Variants in USP15 observed in about 807,000 individuals in gnomAD.
USP15 encodes ubiquitin carboxyl-terminal hydrolase 15.
USP15 carries 18 observed loss-of-function variants against 127.1 expected under a neutral mutation model. That is an observed-to-expected ratio of 0.14 (90% CI 0.10 to 0.21). The LOEUF is 0.21. Among genes scored for constraint, USP15 ranks in the 10% least tolerant of loss-of-function variants. The pLI is 1.00. For missense variants in USP15, 805 were observed against 1,159.9 expected (o/e 0.69, Z 4.44); for synonymous variants, 364 against 393.7 (o/e 0.92, Z 0.89).
Position 62,381,828 on chromosome 12 carries a change from G to A in USP15, c.1089+165G>A, listed in dbSNP as rs61921866. 4.5e-3 allele frequency among the ~76,000 whole-genome samples: 687 copies of A among 152,080 alleles called. 1 individual carries two copies. Among genetic ancestry groups the A allele is most frequent in the Admixed American group, 7.1e-3 (108 of 15,244 alleles). ...CAGTACATCTGTGATATAAAATTTAGGTGGGAGGGATATGGAACAGTTTAT... is the reference window on the plus strand; with the variant it reads ...CAGTACATCTGTGATATAAAATTTAAGTGGGAGGGATATGGAACAGTTTAT... On this transcript the variant is annotated intron_variant, in intron 9 of 21. Coordinates refer to ENST00000280377, the MANE Select transcript of USP15 (RefSeq NM_001252078.2).
At chr12:62,348,775 C>A (rs529896358) in intron 6 of USP15, among the ~76,000 whole-genome samples, 2 of 151,894 alleles carry the variant, frequency 1.3e-5, no homozygotes, top group African/African-American at 4.8e-5. Context: ...CTATTTTGTC[C>A]CCATTGCCTT....
In USP15 at chr12:62,381,653, G is replaced by T; in HGVS notation, c.1079G>T (p.Arg360Ile). ...WSGKFSYVTP[R>I]AFKTQVGRFA... ...GGAAAGTTTAGCTACGTCACCCCAA[G>T]AGCCTTTAAGGTTAGTGTGGTAAAT... The change falls in exon 9 of 22, where the codon AGA (arginine) becomes ATA (isoleucine). Residue 360 changes from arginine to isoleucine, a missense_variant. Physicochemically the swap from Arg to Ile is moderately conservative, Grantham distance 97. This residue lies in a region of USP15 where 84 missense variants were observed against 210.3 expected (regional missense o/e 0.40). Transcript: ENST00000280377. 1 of 1,611,242 alleles carries T rather than the reference G, an allele frequency of 6.2e-7. No homozygotes were observed. The highest frequency in any genetic ancestry group is 1.3e-5 in the African/African-American group (1 of 74,928).
At chr12:62,286,892 G>A (rs1047555919) in intron 1 of USP15, among the ~76,000 whole-genome samples, 3 of 149,702 alleles carry the variant, frequency 2.0e-5, no homozygotes, top group Admixed American at 6.7e-5. Flanking sequence ...AGCTGAGATC[G>A]CACCATTGCA....
chr12:62,263,168 A>G (rs561379494), intron 1 of USP15, among the ~76,000 whole-genome samples: 1 of 152,284 alleles, frequency 6.6e-6, no homozygotes, highest in East Asian at 1.9e-4. Flanking sequence ...CTCACTAGAA[A>G]GTTGTTTTTC....
intron 6 of USP15, among the ~76,000 whole-genome samples, chr12:62,332,553 G>T (rs1277616996): frequency 6.6e-6 from 1 of 151,758 alleles, no homozygotes; most frequent in Non-Finnish European, 1.5e-5. Context: ...GAGAAAATTT[G>T]ATTTAAATTT....
At chr12:62,382,790 T>G (rs2067030834) in intron 9 of USP15, among the ~76,000 whole-genome samples, 1 of 151,860 alleles carries the variant, frequency 6.6e-6, no homozygotes, top group East Asian at 1.9e-4. Context: ...AGAAACTAAG[T>G]GAGAGCCTAG....
At chr12:62,296,031 A>G (rs1304691223) in intron 2 of USP15, among the ~76,000 whole-genome samples, 4 of 152,258 alleles carry the variant, frequency 2.6e-5, no homozygotes, top group Admixed American at 6.5e-5. Flanking sequence ...TCAGAGATGC[A>G]TGAAAGAGGG....
chr12:62,381,470 A>G lies in USP15; in HGVS notation c.916-20A>G. 4 of 1,561,904 alleles carry G rather than the reference A, an allele frequency of 2.6e-6. No individual in the cohort carries two copies. The highest frequency in any genetic ancestry group is 3.5e-6 in the Non-Finnish European group (4 of 1,154,866). On this transcript the variant is annotated intron_variant, in intron 8 of 21. Transcript: ENST00000280377. ...TCATTATGATTACTTTTACTTGAAA[A>G]TATATTTTATTTTTTGCAGTGTTTG...
rs1472617787 is a variant in USP15, at chr12:62,407,115, A to G, written c.*2740A>G. On this transcript the variant is annotated 3_prime_UTR_variant, in exon 22 of 22. Coordinates refer to ENST00000280377, the MANE Select transcript of USP15 (RefSeq NM_001252078.2). The stretch of plus-strand genomic sequence containing the variant: ...TTACCTGTAGAATAATGATGATAAT[A>G]GCCAGCATTTATTGAGCACTTACTA... 6.6e-6 allele frequency: 1 copy of G among 152,192 alleles called. No individual in the cohort carries two copies. Among genetic ancestry groups the G allele is most frequent in the Non-Finnish European group, 1.5e-5 (1 of 68,036 alleles). The allele number at this position is 152,192 out of a possible 1,614,324, so 9.4% of individuals were successfully genotyped here. A position where few individuals can be genotyped will look rare whatever the true frequency, so the allele number is the denominator to read the frequency against.
chr12:62,297,602 A>C (rs1339006490), intron 2 of USP15, among the ~76,000 whole-genome samples: 1 of 152,248 alleles, frequency 6.6e-6, no homozygotes, highest in Admixed American at 6.5e-5. Context: ...AGGAATCTGC[A>C]TGCACAAGTA....
chr12:62,316,704 T>G (rs2064840982), intron 4 of USP15, among the ~76,000 whole-genome samples: 1 of 152,082 alleles, frequency 6.6e-6, no homozygotes, highest in Middle Eastern at 3.3e-3. Flanking sequence ...CCATCAGAGA[T>G]ATTATTTTAG....
chr12:62,381,671 T>C lies in USP15; in HGVS notation c.1089+8T>C. 6.2e-7 allele frequency: 1 copy of C among 1,602,482 alleles called. No individual in the cohort carries two copies. The highest frequency in any genetic ancestry group is 8.5e-7 in the Non-Finnish European group (1 of 1,173,228). ...ACCCCAAGAGCCTTTAAGGTTAGTG[T>C]GGTAAATGCATTTTAGCAAGGGTAC... On this transcript the variant is annotated splice_region_variant and intron_variant, in intron 9 of 21. Transcript: ENST00000280377.
intron 1 of USP15, chr12:62,267,208 C>G (rs1414257617): frequency 6.6e-6 from 1 of 152,058 alleles, no homozygotes; most frequent in Non-Finnish European, 1.5e-5. Context: ...ATATTCATTC[C>G]TCTGAAGCCA....
chr12:62,384,021 C>T, intron 10 of USP15, 23 bp downstream of exon 10: 1 of 1,610,474 alleles, frequency 6.2e-7, no homozygotes, highest in African/African-American at 1.3e-5. Context: ...ATCCTATTGT[C>T]ACCATTGTTA....
chr12:62,344,353 T>C (rs1270206115), intron 6 of USP15, among the ~76,000 whole-genome samples: 1 of 152,114 alleles, frequency 6.6e-6, no homozygotes, highest in Non-Finnish European at 1.5e-5. Context: ...ATCTTAAAGC[T>C]CCAAAATGAT....
At chr12:62,396,569 A>G (rs1421240019) in intron 20 of USP15, among the ~76,000 whole-genome samples, 171 bp downstream of exon 20, 1 of 151,362 alleles carries the variant, frequency 6.6e-6, no homozygotes, top group African/African-American at 2.4e-5. Flanking sequence ...TTTTTTTCAC[A>G]TAGGGTATAG....
intron 8 of USP15, among the ~76,000 whole-genome samples, chr12:62,360,980 A>T (rs1191919068): frequency 6.6e-6 from 1 of 152,212 alleles, no homozygotes; most frequent in Admixed American, 6.5e-5. Context: ...AAAAATGTAA[A>T]CAACCTTACT....
chr12:62,286,918 CAA>C (rs1054772911), intron 1 of USP15, among the ~76,000 whole-genome samples: 5 of 138,272 alleles, frequency 3.6e-5, no homozygotes, highest in Non-Finnish European at 7.7e-5. Flanking sequence ...GCCTGGGCAA[CAA>C]GAGCGAAACT....
intron 2 of USP15, among the ~76,000 whole-genome samples, chr12:62,300,543 G>A (rs2064279276): frequency 6.6e-6 from 1 of 151,918 alleles, no homozygotes; most frequent in African/African-American, 2.4e-5. Flanking sequence ...AAATATAGTT[G>A]ATATTGATAT....
Sources: allele counts gnomAD v4.1 joint callset (sites outside exome capture counted in the v4.1 genomes callset), GRCh38; gene constraint gnomAD v4.1.1; regional missense constraint gnomAD v4.1.1; transcripts MANE v1.5; gene names NCBI Gene and HGNC (gene_info 2026-07-23, HGNC 2026-07-21).